The following FUT8 variants were observed in gnomAD, a reference collection of about 807,000 sequenced individuals.
The protein encoded by FUT8 is fucosyltransferase 8.
Under a neutral mutation model 71.3 loss-of-function variants are expected in FUT8, and 29 were observed. The observed-to-expected ratio is 0.41, with a 90% confidence interval of 0.30 to 0.55. The LOEUF (loss-of-function observed/expected upper bound fraction) is 0.55. Among genes scored for constraint, FUT8 ranks in the 20% least tolerant of loss-of-function variants. The probability of loss-of-function intolerance (pLI) is 0.34; values close to 1 mark genes in which losing one functional copy is unlikely to be tolerated. For missense variants in FUT8, 544 were observed against 702.1 expected (o/e 0.77, Z 2.55); for synonymous variants, 254 against 239.3 (o/e 1.06, Z -0.57).
the FUT8 span, among the ~76,000 whole-genome samples, chr14:65,358,815 T>G: frequency 6.6e-6 from 1 of 152,164 alleles, no homozygotes; most frequent in African/African-American, 2.4e-5. Context: ...GTTATTTGTG[T>G]TTTTTTGTGC....
At chr14:65,650,718 A>C (rs1280940015) in intron 6 of FUT8, among the ~76,000 whole-genome samples, 1 of 150,270 alleles carries the variant, frequency 6.7e-6, no homozygotes, top group African/African-American at 2.5e-5. Flanking sequence ...AAAAAAAAAA[A>C]AAAAAAAAAA....
Position 65,629,287 on chromosome 14 carries a change from A to G in FUT8, c.483-205A>G, listed in dbSNP as rs142584851. ...AACAAAAAAAGTATATTTTCTCAAC[A>G]GTGAAAATTTACTATAGGAATGACT... On this transcript the variant is annotated intron_variant, in intron 5 of 10. Transcript: ENST00000673929. Among the ~76,000 whole-genome samples the G allele has an allele frequency of 3.4e-3, 521 of 152,346 alleles. 2 individuals are homozygous for G. The highest frequency in any genetic ancestry group is 0.012 in the African/African-American group (493 of 41,574).
intron 1 of FUT8, among the ~76,000 whole-genome samples, chr14:65,432,287 A>C (rs919522326): frequency 6.6e-5 from 10 of 152,132 alleles, no homozygotes; most frequent in Admixed American, 6.5e-4. Flanking sequence ...TAAGTTCCTG[A>C]ACGTCAGTTT....
intron 7 of FUT8, among the ~76,000 whole-genome samples, chr14:65,689,091 A>G (rs1280722500): frequency 6.6e-6 from 1 of 152,254 alleles, no homozygotes; most frequent in Non-Finnish European, 1.5e-5. Context: ...CATTCAGTCC[A>G]TAACAGTGAT....
At chr14:65,741,809 T>C in intron 10 of FUT8, among the ~76,000 whole-genome samples, 1 of 152,050 alleles carries the variant, frequency 6.6e-6, no homozygotes, top group Non-Finnish European at 1.5e-5. Context: ...TAAAATTAAC[T>C]AATTCATATT....
intron 7 of FUT8, among the ~76,000 whole-genome samples, chr14:65,689,425 GA>G (rs1477445537): frequency 6.6e-6 from 1 of 152,158 alleles, no homozygotes; most frequent in Non-Finnish European, 1.5e-5. Context: ...TTGGTTATAA[GA>G]GTTCTATTTA....
intron 10 of FUT8, among the ~76,000 whole-genome samples, chr14:65,736,628 A>T (rs1305563187): frequency 6.6e-6 from 1 of 152,050 alleles, no homozygotes; most frequent in African/African-American, 2.4e-5. Context: ...TATTTGAAGT[A>T]AATGTGTGTG....
At chr14:65,484,386 C>T (rs1453942149) in intron 2 of FUT8, among the ~76,000 whole-genome samples, 1 of 152,006 alleles carries the variant, frequency 6.6e-6, no homozygotes, top group Non-Finnish European at 1.5e-5. Flanking sequence ...TCAGGATGCA[C>T]TTTACTGGGC....
At chr14:65,388,938 CA>C in the FUT8 span, among the ~76,000 whole-genome samples, 1 of 151,562 alleles carries the variant, frequency 6.6e-6, no homozygotes, top group African/African-American at 2.4e-5. Context: ...AAGATCACTA[CA>C]TTTTATATAT....
At chr14:65,556,626 G>A (rs1885599701) in intron 2 of FUT8, among the ~76,000 whole-genome samples, 1 of 152,134 alleles carries the variant, frequency 6.6e-6, no homozygotes, top group South Asian at 2.1e-4. Context: ...AAGTCACTAG[G>A]TGCAGCCAAC....
intron 2 of FUT8, among the ~76,000 whole-genome samples, chr14:65,542,213 G>C (rs1467531584): frequency 6.6e-6 from 1 of 152,108 alleles, no homozygotes; most frequent in East Asian, 1.9e-4. Flanking sequence ...AATTATGACG[G>C]TCATTTTAAA....
intron 7 of FUT8, among the ~76,000 whole-genome samples, chr14:65,713,279 T>A (rs1894893349): frequency 6.6e-6 from 1 of 152,234 alleles, no homozygotes; most frequent in Non-Finnish European, 1.5e-5. Flanking sequence ...TGTGTATATT[T>A]ACCATATTTT....
At position 65,497,113 on chromosome 14, in the gene FUT8, T is replaced by C. The variant is rs1453462609; in HGVS notation, c.-228+41395T>C. 2.0e-5 allele frequency among the ~76,000 whole-genome samples: 3 copies of C among 152,200 alleles called. No individual in the cohort carries two copies. In the East Asian group the frequency reaches 5.8e-4, roughly 29 times the overall value. On this transcript the variant is annotated intron_variant, in intron 2 of 10. Coordinates refer to ENST00000673929, the MANE Select transcript of FUT8 (RefSeq NM_001371533.1). The stretch of plus-strand genomic sequence containing the variant: ...TTCATATGCAGTATATAATTTAATT[T>C]GTATGTGTATATTAGAGTATGTAAA...
intron 6 of FUT8, among the ~76,000 whole-genome samples, chr14:65,657,366 A>C (rs1891732202): frequency 6.6e-6 from 1 of 152,214 alleles, no homozygotes; most frequent in African/African-American, 2.4e-5. Context: ...AAATATTTGC[A>C]CTTCCATGTT....
upstream of FUT8, among the ~76,000 whole-genome samples, chr14:65,406,957 C>G (rs990316690): frequency 2.0e-5 from 3 of 152,142 alleles, no homozygotes; most frequent in Non-Finnish European, 4.4e-5. Context: ...AAGCTTGATA[C>G]GATTAGATCC....
At chr14:65,436,090 C>A (rs1159244931) in intron 1 of FUT8, among the ~76,000 whole-genome samples, 1 of 151,870 alleles carries the variant, frequency 6.6e-6, no homozygotes, top group African/African-American at 2.4e-5. Context: ...GCCACCATGT[C>A]TGGCTAGTTT....
intron 9 of FUT8, among the ~76,000 whole-genome samples, chr14:65,726,881 A>G (rs1218941382): frequency 1.3e-5 from 2 of 152,222 alleles, no homozygotes; most frequent in African/African-American, 4.8e-5. Context: ...GGGTACAGGC[A>G]TTGGATAAAT....
intron 2 of FUT8, among the ~76,000 whole-genome samples, chr14:65,493,391 G>T (rs946209924): frequency 4.0e-5 from 6 of 151,880 alleles, no homozygotes; most frequent in Non-Finnish European, 8.8e-5. Flanking sequence ...TTTTCATTTT[G>T]TTAGATATAT....
rs1042173041 is a variant in FUT8, at chr14:65,489,217, G to C, written c.-228+33499G>C. Among the ~76,000 whole-genome samples the C allele has an allele frequency of 6.6e-6, 1 of 151,980 alleles. No homozygotes were observed. Among genetic ancestry groups the C allele is most frequent in the African/African-American group, 2.4e-5 (1 of 41,398 alleles). On this transcript the variant is annotated intron_variant, in intron 2 of 10. Coordinates refer to ENST00000673929, the MANE Select transcript of FUT8 (RefSeq NM_001371533.1). The surrounding 1 kb of genome is among the most constrained non-coding windows in gnomAD (Gnocchi z 4.0). ...AGAACAGATTTATCTAACACTAAAC[G>C]GTCACTGGCAAGAACCTTTTCTTTG...
Sources: allele counts gnomAD v4.1 joint callset (sites outside exome capture counted in the v4.1 genomes callset), GRCh38; gene constraint gnomAD v4.1.1; non-coding constraint Gnocchi (gnomAD v3.1); transcripts MANE v1.5; gene names NCBI Gene and HGNC (gene_info 2026-07-23, HGNC 2026-07-21).